The following PHC2 variants were observed in gnomAD, a reference collection of about 807,000 sequenced individuals.
PHC2 encodes the protein polyhomeotic homolog 2.
PHC2 carries 29 observed loss-of-function variants against 87.4 expected under a neutral mutation model. The observed-to-expected ratio is 0.33, with a 90% confidence interval of 0.25 to 0.45. The LOEUF (loss-of-function observed/expected upper bound fraction) is 0.45. Among genes scored for constraint, PHC2 ranks in the 20% least tolerant of loss-of-function variants. PHC2 has a pLI of 1.00. For missense variants in PHC2, 857 were observed against 1,136.7 expected (o/e 0.75, Z 3.54); for synonymous variants, 438 against 461.7 (o/e 0.95, Z 0.66).
chr1:33,383,649 C>T (rs1041518734), intron 1 of PHC2, among the ~76,000 whole-genome samples: 10 of 152,172 alleles, frequency 6.6e-5, no homozygotes, highest in Admixed American at 1.3e-4. Flanking sequence ...TGCTTGGGGA[C>T]GGGATGGATG....
intron 9 of PHC2, chr1:33,347,792 G>C: frequency 1.1e-6 from 1 of 939,584 alleles, no homozygotes; most frequent in South Asian, 4.9e-5. Context: ...GAAAGGGCAG[G>C]TGCCAAAAGA....
In PHC2 at chr1:33,371,151, G is replaced by A; in HGVS notation, c.334-57C>T. The stretch of plus-strand genomic sequence containing the variant: ...CCCAGACCTCCCCCAGTCACTCCTG[G>A]GCTCTCATCATCCACAGGAGGTGCT... On this transcript the variant is annotated intron_variant, in intron 3 of 14. Transcript: ENST00000683057. The A allele has an allele frequency of 5.7e-6, 8 of 1,404,286 alleles. No individual in the cohort carries two copies. The South Asian group carries it at 8.0e-5, about 14-fold the overall frequency. 87.0% of individuals were successfully genotyped at this position (1,404,286 alleles called of 1,614,324 possible).
intron 1 of PHC2, among the ~76,000 whole-genome samples, chr1:33,427,582 C>A (rs72660114): frequency 0.098 from 14,850 of 152,162 alleles, 1,035 homozygotes; most frequent in East Asian, 0.28. Context: ...ATGGCCACCC[C>A]CGCCACTCTA....
intron 9 of PHC2, among the ~76,000 whole-genome samples, chr1:33,343,314 A>AG (rs1553184334): frequency 1.3e-5 from 2 of 151,672 alleles, no homozygotes; most frequent in African/African-American, 4.8e-5. Flanking sequence ...TACAAAAAAA[A>AG]AAATAAATAA....
In PHC2 at chr1:33,371,869, C is replaced by T. The variant is rs77103224; in HGVS notation, c.333+420G>A. On this transcript the variant is annotated intron_variant, in intron 3 of 14. Transcript: ENST00000683057. ...CAGTGCTTGATACAAACTTTGCATG[C>T]AGAAGGTACATAAAATGTTTTTCTG... Among the ~76,000 whole-genome samples the T allele has an allele frequency of 7.6e-4, 116 of 152,336 alleles. 1 individual carries two copies. In the East Asian group the frequency reaches 0.019, roughly 25 times the overall value.
Position 33,332,210 on chromosome 1 carries a change from G to C in PHC2, c.1891+65C>G, listed in dbSNP as rs1200912470. The C allele has an allele frequency of 6.3e-7, 1 of 1,590,868 alleles. No homozygotes were observed. Among genetic ancestry groups the C allele is most frequent in the African/African-American group, 1.3e-5 (1 of 74,474 alleles). ...TCCTCTGGGGAAACAGAGAGAGGAA[G>C]TGTGTGAGGCCTGCCTTTCCAGCCA... On this transcript the variant is annotated intron_variant, in intron 11 of 14. Transcript: ENST00000683057. This position sits in a 1 kb window ranked among gnomAD's most constrained non-coding sequence, Gnocchi z 4.2.
In PHC2 at chr1:33,367,334, T is replaced by A; in HGVS notation, c.758A>T (p.Lys253Ile). The stretch of plus-strand genomic sequence containing the variant: ...AGGCTGGCTACCGCCCGGCGTGGGT[T>A]TCAGGGCCAAGCTGGGCAGGACAGG... ...TQPVLPSLAL[K>I]PTPGGSQPLP... Residue 253 changes from lysine to isoleucine, a missense_variant, in exon 7 of 15, where the codon AAA becomes ATA. Physicochemically the swap from Lys to Ile is moderately radical, Grantham distance 102. Transcript: ENST00000683057. The A allele has an allele frequency of 6.2e-7, 1 of 1,613,388 alleles. No homozygotes were observed. Among genetic ancestry groups the A allele is most frequent in the Non-Finnish European group, 8.5e-7 (1 of 1,179,520 alleles).
chr1:33,427,991 C>T (rs1204425691), intron 1 of PHC2, among the ~76,000 whole-genome samples: 1 of 152,180 alleles, frequency 6.6e-6, no homozygotes, highest in African/African-American at 2.4e-5. Context: ...AATCATATGG[C>T]TTCAATTATC....
chr1:33,333,705 C>T (rs1393363022), intron 10 of PHC2: 2 of 230,872 alleles, frequency 8.7e-6, no homozygotes, highest in Non-Finnish European at 1.7e-5. Flanking sequence ...CCTAACTGGC[C>T]GAAGTTTTGC....
At chr1:33,341,914 T>G (rs1279767987) in intron 9 of PHC2, among the ~76,000 whole-genome samples, 2 of 152,206 alleles carry the variant, frequency 1.3e-5, no homozygotes, top group Non-Finnish European at 2.9e-5. Context: ...TCAAATCTGC[T>G]AAGGGCAGAG....
At chr1:33,365,899 C>T (rs774653819) in intron 7 of PHC2, among the ~76,000 whole-genome samples, 1 of 152,202 alleles carries the variant, frequency 6.6e-6, no homozygotes, top group Non-Finnish European at 1.5e-5. Context: ...ATGCTCGTGC[C>T]GCAAGGCTCA....
rs138034042 is a variant in PHC2, at chr1:33,351,424, A to C, written c.1558+2977T>G. ...AGAACAATGCCTCGTCCTCCCTGAAATCTATCCTGAACATCTCTAGTTGGC... is the reference window on the plus strand; with the variant it reads ...AGAACAATGCCTCGTCCTCCCTGAACTCTATCCTGAACATCTCTAGTTGGC... On this transcript the variant is annotated intron_variant, in intron 9 of 14. Coordinates refer to ENST00000683057, the MANE Select transcript of PHC2 (RefSeq NM_001385109.1). Among the ~76,000 whole-genome samples the C allele has an allele frequency of 3.5e-4, 54 of 152,324 alleles. No homozygotes were observed. In the East Asian group the frequency reaches 6.9e-3, roughly 20 times the overall value.
chr1:33,394,877 C>T (rs1448095183), intron 1 of PHC2, among the ~76,000 whole-genome samples: 1 of 152,100 alleles, frequency 6.6e-6, no homozygotes, highest in East Asian at 1.9e-4. Flanking sequence ...GCCAAAACAG[C>T]GTTTTTAAAG....
At chr1:33,341,297 G>A (rs1557823173) in intron 9 of PHC2, among the ~76,000 whole-genome samples, 2 of 152,252 alleles carry the variant, frequency 1.3e-5, no homozygotes, top group South Asian at 4.1e-4. Context: ...TTTTCCGGGT[G>A]GGCCACACAG....
chr1:33,363,886 C>G, intron 7 of PHC2: 1 of 985,318 alleles, frequency 1.0e-6, no homozygotes, highest in Non-Finnish European at 1.2e-6. Context: ...GCCTGCCTCT[C>G]TTCTGCCCTC....
chr1:33,385,282 C>T (rs1557841928), intron 1 of PHC2, among the ~76,000 whole-genome samples: 1 of 152,058 alleles, frequency 6.6e-6, no homozygotes. Context: ...CCAGAGCTTC[C>T]GGAAAATGAA....
chr1:33,385,191 G>A (rs1648678110), intron 1 of PHC2, among the ~76,000 whole-genome samples: 1 of 152,194 alleles, frequency 6.6e-6, no homozygotes, highest in Non-Finnish European at 1.5e-5. Context: ...AAAAGGCTGG[G>A]ACTAGACCCA....
intron 1 of PHC2, among the ~76,000 whole-genome samples, chr1:33,430,021 T>C (rs373879618): frequency 1.3e-5 from 2 of 152,160 alleles, no homozygotes; most frequent in East Asian, 1.9e-4. Context: ...ACCATTTCTA[T>C]TGTCGCAAAA....
intron 3 of PHC2, among the ~76,000 whole-genome samples, chr1:33,371,555 C>A (rs1647845022): frequency 6.6e-6 from 1 of 152,328 alleles, no homozygotes; most frequent in East Asian, 1.9e-4. Context: ...CCGCCCCCCA[C>A]AGAGAATTTG....
Sources: allele counts gnomAD v4.1 joint callset (sites outside exome capture counted in the v4.1 genomes callset), GRCh38; gene constraint gnomAD v4.1.1; non-coding constraint Gnocchi (gnomAD v3.1); transcripts MANE v1.5; gene names NCBI Gene and HGNC (gene_info 2026-07-23, HGNC 2026-07-21).